Variants in AMD1 observed in about 807,000 individuals in gnomAD.
AMD1 encodes the protein S-adenosylmethionine decarboxylase proenzyme.
A neutral mutation model predicts 40.2 loss-of-function variants in AMD1; 11 were observed. The observed-to-expected ratio is 0.27, with a 90% CI of 0.17 to 0.45. The LOEUF (loss-of-function observed/expected upper bound fraction) is 0.45, where lower values mean the gene tolerates loss of function less well. AMD1 is among the 20% of genes least tolerant of loss of function. The pLI is 1.00. For synonymous variants in AMD1, 121 were observed against 130.8 expected (o/e 0.93, Z 0.51); for missense variants, 257 against 410.2 (o/e 0.63, Z 3.23).
chr6:110,831,017 G>A, the AMD1 span, among the ~76,000 whole-genome samples: 2 of 152,096 alleles, frequency 1.3e-5, no homozygotes, highest in African/African-American at 2.4e-5. Context: ...GCATGTGTCT[G>A]GGTGTGGGTA....
intron 5 of AMD1, 47 bp from the exon 6 acceptor site, chr6:110,892,252 A>G (rs748759342): frequency 6.2e-7 from 1 of 1,613,698 alleles, no homozygotes; most frequent in East Asian, 2.2e-5. Flanking sequence ...TGTAAGATTT[A>G]AACTGCCAAT....
chr6:110,850,402 ACTC>A, the AMD1 span, among the ~76,000 whole-genome samples: 2 of 151,916 alleles, frequency 1.3e-5, no homozygotes, highest in Non-Finnish European at 2.9e-5. Flanking sequence ...TGAAAACAGA[ACTC>A]CTTCACTGTC....
the AMD1 span, among the ~76,000 whole-genome samples, chr6:110,820,390 G>A: frequency 4.9e-3 from 748 of 151,634 alleles, 3 homozygotes; most frequent in Middle Eastern, 0.021. Context: ...GCATGCACTC[G>A]CATGCCCGCC....
chr6:110,852,257 T>C, the AMD1 span, among the ~76,000 whole-genome samples: 1 of 137,580 alleles, frequency 7.3e-6, no homozygotes, highest in Non-Finnish European at 1.5e-5. Context: ...AGTCTCTCTC[T>C]GTCGCCCAGG....
At chr6:110,862,669 C>T in the AMD1 span, among the ~76,000 whole-genome samples, 2 of 150,698 alleles carry the variant, frequency 1.3e-5, no homozygotes, top group Non-Finnish European at 2.9e-5. Flanking sequence ...GAGGTTTCAC[C>T]AAGTTGGCCA....
the AMD1 span, among the ~76,000 whole-genome samples, chr6:110,851,897 G>A: frequency 6.6e-6 from 1 of 152,156 alleles, no homozygotes; most frequent in East Asian, 1.9e-4. Flanking sequence ...CCTAGACACA[G>A]AATAGTGAAT....
chr6:110,829,166 G>A, the AMD1 span, among the ~76,000 whole-genome samples: 915 of 151,394 alleles, frequency 6.0e-3, 7 homozygotes, highest in African/African-American at 0.021. Context: ...ACAAAACTCC[G>A]TCTCAAACAA....
At chr6:110,868,430 T>A in the AMD1 span, among the ~76,000 whole-genome samples, 3 of 152,272 alleles carry the variant, frequency 2.0e-5, no homozygotes, top group South Asian at 2.1e-4. Context: ...ATTACAGGCG[T>A]GAGCCACCGG....
chr6:110,848,228 C>A, the AMD1 span, among the ~76,000 whole-genome samples: 1 of 151,738 alleles, frequency 6.6e-6, no homozygotes. Context: ...TAGCCAAAGA[C>A]AAGATGATTT....
chr6:110,855,605 G>T, the AMD1 span, among the ~76,000 whole-genome samples: 21 of 152,106 alleles, frequency 1.4e-4, 1 homozygote, highest in Admixed American at 1.4e-3. Context: ...ACATTTCAAG[G>T]AAATGTCTTC....
the AMD1 span, among the ~76,000 whole-genome samples, chr6:110,846,391 T>C: frequency 2.0e-5 from 3 of 152,200 alleles, no homozygotes; most frequent in African/African-American, 7.2e-5. Flanking sequence ...GTAGAATGCA[T>C]AAATAGCTAT....
At chr6:110,821,923 A>G in the AMD1 span, among the ~76,000 whole-genome samples, 2 of 152,226 alleles carry the variant, frequency 1.3e-5, no homozygotes, top group African/African-American at 4.8e-5. Context: ...GAGATACAAG[A>G]ATAAACCAAA....
intron 1 of AMD1, among the ~76,000 whole-genome samples, chr6:110,876,554 G>A (rs1056566127): frequency 1.3e-5 from 2 of 152,126 alleles, no homozygotes; most frequent in Non-Finnish European, 2.9e-5. Context: ...TTCTAGCAGT[G>A]TATCTTGAAC....
chr6:110,855,065 C>CTTTTTTTTTTTTTTTTT, the AMD1 span, among the ~76,000 whole-genome samples: 48 of 80,462 alleles, frequency 6.0e-4, 3 homozygotes, highest in East Asian at 2.0e-3. Flanking sequence ...CTCTCTCTCT[C>CTTTTTTTTTTTTTTTTT]TTTTTTTTTT....
At position 110,893,556 on chromosome 6, in the gene AMD1, C is replaced by A. The variant is rs1786156759; in HGVS notation, c.945C>A (p.Phe315Leu). 6.2e-7 allele frequency: 1 copy of A among 1,613,806 alleles called. No homozygotes were observed. The highest frequency in any genetic ancestry group is 8.5e-7 in the Non-Finnish European group (1 of 1,179,918). The change falls in exon 9 of 9, where the codon TTC (phenylalanine) becomes TTA (leucine). Residue 315 changes from phenylalanine (F) to leucine (L), a missense_variant. By Grantham distance (22) the Phe-to-Leu change is conservative (BLOSUM62 0). This residue lies in a region of AMD1 where 192 missense variants were observed against 296.5 expected (regional missense o/e 0.65). Coordinates refer to ENST00000368885, the MANE Select transcript of AMD1 (RefSeq NM_001634.6). ...GTCTTGATTGCCAGAGTGCTATGTT[C>A]AATGATTACAATTTTGTTTTTACCA... Reference protein sequence around the residue: ...FKRLDCQSAMFNDYNFVFTSF... With the variant: ...FKRLDCQSAMLNDYNFVFTSF...
chr6:110,820,078 C>T, the AMD1 span, among the ~76,000 whole-genome samples: 17 of 152,152 alleles, frequency 1.1e-4, no homozygotes, highest in African/African-American at 3.6e-4. Context: ...ATAATCCACC[C>T]CTTGTTTATC....
At chr6:110,888,604 CCTCT>C (rs1006370379) in intron 2 of AMD1, 6 of 255,348 alleles carry the variant, frequency 2.3e-5, no homozygotes, top group Non-Finnish European at 3.8e-5. Flanking sequence ...CTGTGCCTGG[CCTCT>C]CTCTTTTTTT....
chr6:110,862,036 T>TC, the AMD1 span, among the ~76,000 whole-genome samples: 5 of 145,876 alleles, frequency 3.4e-5, no homozygotes, highest in African/African-American at 1.3e-4. Context: ...TTTTTTTTTT[T>TC]CGAGATGGAG....
chr6:110,820,339 C>A, the AMD1 span, among the ~76,000 whole-genome samples: 1 of 151,326 alleles, frequency 6.6e-6, no homozygotes, highest in African/African-American at 2.4e-5. Flanking sequence ...CAGGTTCAAG[C>A]GATTCTCCTG....
Sources: allele counts gnomAD v4.1 joint callset (sites outside exome capture counted in the v4.1 genomes callset), GRCh38; gene constraint gnomAD v4.1.1; regional missense constraint gnomAD v4.1.1; transcripts MANE v1.5; gene names NCBI Gene and HGNC (gene_info 2026-07-23, HGNC 2026-07-21).